Variants in SLC2A12 observed in about 807,000 individuals in gnomAD.
SLC2A12 encodes solute carrier family 2 member 12, also known as solute carrier family 2, facilitated glucose transporter member 12.
A neutral mutation model predicts 41.8 loss-of-function variants in SLC2A12; 23 were observed. The ratio of observed to expected loss-of-function variants is 0.55; its 90% CI spans 0.40 to 0.78. SLC2A12 has a LOEUF of 0.78. Ranked by LOEUF, SLC2A12 falls within the 30% of genes least tolerant of loss-of-function variation. The pLI is 0.00. For synonymous variants in SLC2A12, 295 were observed against 285.9 expected, an observed-to-expected ratio of 1.03 and a Z score of -0.32; for missense variants, 654 against 745.6, an observed-to-expected ratio of 0.88 and a Z score of 1.43.
chr6:134,047,529 C>T (rs1161897288), intron 1 of SLC2A12, among the ~76,000 whole-genome samples: 1 of 152,188 alleles, frequency 6.6e-6, no homozygotes, highest in East Asian at 1.9e-4. Flanking sequence ...CAGCTTCCTT[C>T]GGCTGCTCCA....
chr6:134,026,534 T>C (rs1196092464), intron 2 of SLC2A12, among the ~76,000 whole-genome samples: 1 of 152,258 alleles, frequency 6.6e-6, no homozygotes, highest in African/African-American at 2.4e-5. Flanking sequence ...ATAGTAGCCA[T>C]ATGAGTATCT....
chr6:134,023,372 G>T (rs187485254), intron 2 of SLC2A12, among the ~76,000 whole-genome samples: 3 of 152,302 alleles, frequency 2.0e-5, no homozygotes, highest in Admixed American at 2.0e-4. Flanking sequence ...CCAGAGCATC[G>T]CTCCGAGTGG....
chr6:134,035,348 G>C (rs1377984648), intron 1 of SLC2A12, among the ~76,000 whole-genome samples: 2 of 151,866 alleles, frequency 1.3e-5, no homozygotes, highest in Non-Finnish European at 2.9e-5. Context: ...ACCTAAAAAG[G>C]TCACTCTCTC....
At chr6:134,007,177 GA>G in intron 2 of SLC2A12, among the ~76,000 whole-genome samples, 1 of 152,376 alleles carries the variant, frequency 6.6e-6, no homozygotes, top group Non-Finnish European at 1.5e-5. Context: ...TGCATAGGGT[GA>G]GGGGCATGAG....
chr6:134,032,448 A>AT (rs1562201680), intron 1 of SLC2A12, among the ~76,000 whole-genome samples: 58 of 35,102 alleles, frequency 1.7e-3, no homozygotes, highest in African/African-American at 6.8e-3. Context: ...ATATATATAT[A>AT]AATATATATA....
intron 3 of SLC2A12, 152 bp downstream of exon 3, chr6:134,006,660 A>T: frequency 1.1e-6 from 1 of 928,188 alleles, no homozygotes; most frequent in Non-Finnish European, 1.6e-6. Flanking sequence ...TCAAAACTGT[A>T]AATTGGGTCA....
intron 2 of SLC2A12, among the ~76,000 whole-genome samples, chr6:134,027,834 T>C (rs1032527336): frequency 6.6e-6 from 1 of 152,246 alleles, no homozygotes; most frequent in African/African-American, 2.4e-5. Context: ...TTCATGCTTC[T>C]GTTTAATGGA....
rs533800441 is a variant in SLC2A12, at chr6:134,031,435, C to A, written c.104-1714G>T. Among the ~76,000 whole-genome samples, 636 of 146,242 alleles carry A rather than the reference C, an allele frequency of 4.3e-3. 3 individuals are homozygous for A. Among genetic ancestry groups the A allele is most frequent in the African/African-American group, 0.015 (593 of 39,396 alleles). The stretch of plus-strand genomic sequence containing the variant: ...AAAAACAAACAACAAACAAAAAAAA[C>A]ATTACACTTGTTCAAGAATTGGAGA... On this transcript the variant is annotated intron_variant, in intron 1 of 4. Transcript: ENST00000275230.
At chr6:134,006,195 A>AAC (rs1776813897) in intron 3 of SLC2A12, among the ~76,000 whole-genome samples, 2 of 92,578 alleles carry the variant, frequency 2.2e-5, no homozygotes, top group African/African-American at 8.1e-5. Flanking sequence ...AAAAAAAACA[A>AAC]AAAAAAAAAC....
intron 2 of SLC2A12, among the ~76,000 whole-genome samples, chr6:134,013,456 T>C (rs1374596798): frequency 1.3e-5 from 2 of 152,138 alleles, no homozygotes; most frequent in Non-Finnish European, 2.9e-5. Context: ...TTAGAAATGA[T>C]TGTTAAACAG....
rs954297830 is a variant in SLC2A12, at chr6:133,989,145, G to A, written c.*2010C>T. ...CTAACCTTAACAAAGATGGGAAGAA[G>A]TGAGTGCTCTGATGTCTTCTGCTGG... On this transcript the variant is annotated 3_prime_UTR_variant, in exon 5 of 5. Transcript: ENST00000275230. The A allele has an allele frequency of 2.6e-5, 4 of 152,184 alleles. No homozygotes were observed. The highest frequency in any genetic ancestry group is 1.5e-5 in the Non-Finnish European group (1 of 68,044). 9.4% of individuals were successfully genotyped at this position (152,184 alleles called of 1,614,324 possible). A position where few individuals can be genotyped will look rare whatever the true frequency, so the allele number is the denominator to read the frequency against.
intron 1 of SLC2A12, 35 bp from the exon 2 acceptor site, chr6:134,029,756 C>T (rs375377724): frequency 6.4e-7 from 1 of 1,550,826 alleles, no homozygotes; most frequent in Non-Finnish European, 8.7e-7. Flanking sequence ...GAGGTCAGTT[C>T]TCAGTTGAGA....
intron 2 of SLC2A12, among the ~76,000 whole-genome samples, chr6:134,010,156 G>A (rs1232514260): frequency 2.6e-5 from 4 of 152,152 alleles, no homozygotes; most frequent in African/African-American, 9.7e-5. Context: ...ATTACATGGG[G>A]ATTTGATGTG....
intron 4 of SLC2A12, among the ~76,000 whole-genome samples, chr6:133,996,089 C>T (rs1342219614): frequency 1.3e-5 from 2 of 152,140 alleles, no homozygotes; most frequent in African/African-American, 2.4e-5. Context: ...TGATTGTACT[C>T]GCTGATAATG....
At chr6:134,019,005 C>G (rs1777005680) in intron 2 of SLC2A12, among the ~76,000 whole-genome samples, 1 of 152,182 alleles carries the variant, frequency 6.6e-6, no homozygotes, top group South Asian at 2.1e-4. Flanking sequence ...TATTTGGTGT[C>G]ATCTGTCACT....
chr6:134,043,437 C>T (rs1223187795), intron 1 of SLC2A12, among the ~76,000 whole-genome samples: 1 of 152,068 alleles, frequency 6.6e-6, no homozygotes, highest in Non-Finnish European at 1.5e-5. Context: ...AATTTGGAGA[C>T]ATGTAAATGA....
chr6:133,990,230 C>A lies in SLC2A12; in HGVS notation c.*925G>T, dbSNP rs1321105418. ...TACCGTAACCTGAGGTAGTGATATT[C>A]CTGAGGAGTGTGAAGAATTGGACAC... On this transcript the variant is annotated 3_prime_UTR_variant, in exon 5 of 5. Coordinates refer to ENST00000275230, the MANE Select transcript of SLC2A12 (RefSeq NM_145176.3). The A allele has an allele frequency of 6.6e-6, 1 of 152,572 alleles. No individual in the cohort carries two copies. The highest frequency in any genetic ancestry group is 1.9e-4 in the East Asian group (1 of 5,198). The allele number at this position is 152,572 out of a possible 1,614,324, so 9.5% of individuals were successfully genotyped here. A position where few individuals can be genotyped will look rare whatever the true frequency, so the allele number is the denominator to read the frequency against.
At chr6:134,023,833 A>C (rs945917970) in intron 2 of SLC2A12, among the ~76,000 whole-genome samples, 10 of 152,264 alleles carry the variant, frequency 6.6e-5, no homozygotes, top group Admixed American at 5.2e-4. Context: ...TTTTTCCCCC[A>C]CAGTCACGTG....
rs1485455950 is a variant in SLC2A12, at chr6:133,989,948, G to T, written c.*1207C>A. Reference sequence around the variant, plus strand: ...TGTGTCTTCCATCACTTAAATATTAGTAATTTAATATGTTATTTGGTTCAA... The same window carrying T: ...TGTGTCTTCCATCACTTAAATATTATTAATTTAATATGTTATTTGGTTCAA... On this transcript the variant is annotated 3_prime_UTR_variant, in exon 5 of 5. Coordinates refer to ENST00000275230, the MANE Select transcript of SLC2A12 (RefSeq NM_145176.3). The T allele has an allele frequency of 6.6e-6, 1 of 152,178 alleles. No homozygotes were observed. The highest frequency in any genetic ancestry group is 2.4e-5 in the African/African-American group (1 of 41,440). The allele number at this position is 152,178 out of a possible 1,614,324, so 9.4% of individuals were successfully genotyped here. A position where few individuals can be genotyped will look rare whatever the true frequency, so the allele number is the denominator to read the frequency against.
Sources: gnomAD v4.1 joint callset for allele counts (sites outside exome capture counted in the v4.1 genomes callset) on GRCh38, gnomAD v4.1.1 for gene constraint, MANE v1.5 for transcripts, NCBI Gene and HGNC (gene_info 2026-07-23, HGNC 2026-07-21) for gene names.